METTL15: variants seen among roughly 807,000 people sequenced by gnomAD.
METTL15 encodes 12S rRNA N(4)-cytidine methyltransferase METTL15.
A neutral mutation model predicts 38.3 loss-of-function variants in METTL15; 34 were observed. That is an observed-to-expected ratio of 0.89 (90% CI 0.68 to 1.18). The LOEUF (loss-of-function observed/expected upper bound fraction) is 1.18. Ranked by LOEUF, METTL15 falls within the 50% of genes most tolerant of loss-of-function variation. The pLI is 0.00. For missense variants in METTL15, 438 were observed against 498.4 expected (o/e 0.88, Z 1.15); for synonymous variants, 162 against 170.9 (o/e 0.95, Z 0.41).
chr11:28,216,134 A>G (rs770976975), intron 4 of METTL15, among the ~76,000 whole-genome samples: 21 of 152,114 alleles, frequency 1.4e-4, no homozygotes, highest in Non-Finnish European at 2.6e-4. Context: ...TGTTTTTTAG[A>G]TTTGGATGAT....
intron 5 of METTL15, among the ~76,000 whole-genome samples, chr11:28,383,258 G>A (rs1453548176): frequency 6.6e-6 from 1 of 152,022 alleles, no homozygotes; most frequent in African/African-American, 2.4e-5. Flanking sequence ...CAGAATAATA[G>A]CCTTCAGCTC....
chr11:28,424,639 G>C (rs1850849186), intron 6 of METTL15, among the ~76,000 whole-genome samples: 1 of 152,148 alleles, frequency 6.6e-6, no homozygotes, highest in Admixed American at 6.5e-5. Context: ...TGATGGTGAA[G>C]AAGGTGACCC....
intron 6 of METTL15, among the ~76,000 whole-genome samples, chr11:28,520,034 T>A (rs910363675): frequency 2.0e-5 from 3 of 152,184 alleles, no homozygotes; most frequent in Non-Finnish European, 4.4e-5. Context: ...AACTTTTTAC[T>A]CAGTCACATA....
intron 5 of METTL15, among the ~76,000 whole-genome samples, chr11:28,378,893 CT>C (rs1850352087): frequency 6.7e-6 from 1 of 149,206 alleles, no homozygotes; most frequent in Non-Finnish European, 1.5e-5. Context: ...CAACTTTTAT[CT>C]CATTACTAGT....
intron 3 of METTL15, among the ~76,000 whole-genome samples, chr11:28,128,206 G>T (rs1182423787): frequency 6.6e-6 from 1 of 151,944 alleles, no homozygotes; most frequent in South Asian, 2.1e-4. Flanking sequence ...TATTAATGGT[G>T]TTTTATAGGT....
At chr11:28,366,821 C>T (rs1850190663) in intron 5 of METTL15, among the ~76,000 whole-genome samples, 1 of 151,978 alleles carries the variant, frequency 6.6e-6, no homozygotes, top group South Asian at 2.1e-4. Context: ...AATAAAATGC[C>T]CCAGCCATCA....
At chr11:28,374,456 G>A (rs1456765535) in intron 5 of METTL15, among the ~76,000 whole-genome samples, 4 of 146,376 alleles carry the variant, frequency 2.7e-5, no homozygotes, top group East Asian at 2.0e-4. Context: ...TCATGATTTC[G>A]CTCTCTGTTT....
chr11:28,365,529 C>G (rs2133370977), intron 5 of METTL15, among the ~76,000 whole-genome samples: 1 of 152,176 alleles, frequency 6.6e-6, no homozygotes, highest in Non-Finnish European at 1.5e-5. Flanking sequence ...TCATCTTTGT[C>G]ATATCTGATT....
At chr11:28,238,885 T>C (rs1049603169) in intron 4 of METTL15, among the ~76,000 whole-genome samples, 5 of 152,190 alleles carry the variant, frequency 3.3e-5, no homozygotes, top group Admixed American at 2.6e-4. Context: ...TGATTTTTCT[T>C]AGATAAACAC....
At position 28,330,416 on chromosome 11, in the gene METTL15, A is replaced by G. The variant is rs11030280; in HGVS notation, c.799A>G (p.Ile267Val). The part of the protein sequence containing the change: ...IVAGAFPPSA[I>V]YTRKDLLQRS... Reference sequence around the variant, plus strand: ...TTTAGGAGCATTTCCTCCCTCTGCTATTTATACACGGAAAGACTTACTACA... The same window carrying G: ...TTTAGGAGCATTTCCTCCCTCTGCTGTTTATACACGGAAAGACTTACTACA... The change falls in exon 7 of 7, where the codon ATT becomes GTT. Residue 267 changes from isoleucine to valine, a missense_variant. Ile to Val is a conservative substitution (Grantham distance 29, BLOSUM62 3). Coordinates refer to ENST00000407364, the MANE Select transcript of METTL15 (RefSeq NM_001113528.2). The G allele has an allele frequency of 7.8e-6, 12 of 1,546,946 alleles. No homozygotes were observed. The East Asian group carries it at 9.8e-5, about 13-fold the overall frequency.
chr11:28,360,054 T>C (rs1185400340), intron 4 of METTL15, among the ~76,000 whole-genome samples: 4 of 152,180 alleles, frequency 2.6e-5, no homozygotes, highest in Admixed American at 1.3e-4. Flanking sequence ...CTTGAAATCA[T>C]AGAGCTGGAA....
intron 5 of METTL15, among the ~76,000 whole-genome samples, chr11:28,388,948 T>C (rs888832196): frequency 2.0e-5 from 3 of 152,004 alleles, no homozygotes; most frequent in African/African-American, 4.8e-5. Context: ...TTTTTGTCCT[T>C]GTGATAGTTT....
chr11:28,429,105 A>G (rs1850889472), intron 6 of METTL15, among the ~76,000 whole-genome samples: 1 of 152,144 alleles, frequency 6.6e-6, no homozygotes, highest in Non-Finnish European at 1.5e-5. Flanking sequence ...CAGCTGGGTC[A>G]GCCTCTTATT....
intron 3 of METTL15, among the ~76,000 whole-genome samples, chr11:28,167,846 T>G (rs1850709829): frequency 6.6e-6 from 1 of 152,064 alleles, no homozygotes; most frequent in Non-Finnish European, 1.5e-5. Flanking sequence ...TAGATTTTCT[T>G]TTATCCAACA....
intron 4 of METTL15, among the ~76,000 whole-genome samples, chr11:28,226,432 ATATAAT>A (rs1434534432): frequency 6.6e-6 from 1 of 152,022 alleles, no homozygotes; most frequent in Non-Finnish European, 1.5e-5. Flanking sequence ...TAACATAGTA[ATATAAT>A]TAGAGAGTTA....
chr11:28,389,704 G>GTCTT (rs2096107438), intron 5 of METTL15, among the ~76,000 whole-genome samples: 1 of 151,734 alleles, frequency 6.6e-6, no homozygotes, highest in South Asian at 2.1e-4. Flanking sequence ...GTGTGCATGT[G>GTCTT]TCTTTATAGC....
chr11:28,500,497 T>A (rs1049271150), intron 6 of METTL15, among the ~76,000 whole-genome samples: 1 of 152,124 alleles, frequency 6.6e-6, no homozygotes, highest in Non-Finnish European at 1.5e-5. Context: ...GTGAGTTTGA[T>A]CCTGTGCATA....
At chr11:28,301,619 A>G (rs980931520) in intron 6 of METTL15, among the ~76,000 whole-genome samples, 1 of 152,142 alleles carries the variant, frequency 6.6e-6, no homozygotes, top group African/African-American at 2.4e-5. Context: ...AAAAATTATA[A>G]TATTACAAAA....
chr11:28,413,470 T>C (rs2133414665), intron 5 of METTL15, among the ~76,000 whole-genome samples: 1 of 152,336 alleles, frequency 6.6e-6, no homozygotes, highest in Non-Finnish European at 1.5e-5. Context: ...ATAATGTATA[T>C]GCAAATCTGC....
Sources: allele counts gnomAD v4.1 joint callset (sites outside exome capture counted in the v4.1 genomes callset), GRCh38; gene constraint gnomAD v4.1.1; transcripts MANE v1.5; gene names NCBI Gene and HGNC (gene_info 2026-07-23, HGNC 2026-07-21).